Variants in RB1 observed in about 807,000 individuals in gnomAD.
RB1 encodes retinoblastoma-associated protein.
A neutral mutation model predicts 135.4 loss-of-function variants in RB1; 18 were observed. The observed-to-expected ratio is 0.13, with a 90% CI of 0.09 to 0.20. The LOEUF (loss-of-function observed/expected upper bound fraction) is 0.20. Ranked by LOEUF, RB1 falls within the 10% of genes least tolerant of loss-of-function variation. RB1 has a pLI of 1.00. For synonymous variants in RB1, 365 were observed against 373.2 expected (o/e 0.98, Z 0.25); for missense variants, 868 against 1,110.0 (o/e 0.78, Z 3.10).
At chr13:48,407,576 G>A (rs1948751526) in intron 17 of RB1, among the ~76,000 whole-genome samples, 1 of 152,280 alleles carries the variant, frequency 6.6e-6, no homozygotes, top group Non-Finnish European at 1.5e-5. Flanking sequence ...TTATGTACAT[G>A]CTGATCTCTG....
At chr13:48,402,277 C>T (rs1416373467) in intron 17 of RB1, among the ~76,000 whole-genome samples, 5 of 151,436 alleles carry the variant, frequency 3.3e-5, no homozygotes, top group Admixed American at 6.6e-5. Flanking sequence ...CATATTTTAA[C>T]GGGGTCTTCT....
At chr13:48,347,922 C>G (rs1952512789) in intron 5 of RB1, 59 bp downstream of exon 5, 2 of 1,281,414 alleles carry the variant, frequency 1.6e-6, no homozygotes, top group East Asian at 4.7e-5. Context: ...ATGGAATAAT[C>G]TCAAACATCT....
In RB1 at chr13:48,381,287, T is replaced by C. The variant is rs757978250; in HGVS notation, c.1539T>C (p.Ser513=). Reference sequence around the variant, plus strand: ...ATCTTGATTCTGGAACAGATTTGTCTTTCCCATGGATTCTGAATGTGCTTA... The same window carrying C: ...ATCTTGATTCTGGAACAGATTTGTCCTTCCCATGGATTCTGAATGTGCTTA... ...SQNLDSGTDL[S]FPWILNVLNL... The change falls in exon 17 of 27, where the codon TCT becomes TCC. Residue 513 remains serine, a synonymous_variant. Transcript: ENST00000267163. 1.9e-6 allele frequency: 3 copies of C among 1,612,118 alleles called. No individual in the cohort carries two copies. The highest frequency in any genetic ancestry group is 2.5e-6 in the Non-Finnish European group (3 of 1,179,352).
chr13:48,360,819 T>C (rs1040364222), intron 7 of RB1: 1 of 152,094 alleles, frequency 6.6e-6, no homozygotes, highest in East Asian at 1.9e-4. Flanking sequence ...TATATTATTA[T>C]ATACAGAAAA....
intron 23 of RB1, among the ~76,000 whole-genome samples, chr13:48,465,729 G>A (rs918903997): frequency 1.9e-4 from 29 of 151,422 alleles, no homozygotes; most frequent in Non-Finnish European, 4.0e-4. Context: ...AGCAGGGCGA[G>A]GCATTGCCTC....
intron 2 of RB1, chr13:48,340,772 A>G (rs1952436420): frequency 6.2e-6 from 1 of 160,756 alleles, no homozygotes; most frequent in Non-Finnish European, 1.4e-5. Context: ...AATTGACCAT[A>G]TTAACATAAA....
rs1952720112 is a variant in RB1, at chr13:48,367,948, T to A, written c.1049+345T>A. Among the ~76,000 whole-genome samples the A allele has an allele frequency of 2.0e-5, 3 of 152,182 alleles. No individual in the cohort carries two copies. In the South Asian group the frequency reaches 6.2e-4, roughly 31 times the overall value. ...TTTCATATACTATTGCCTGCCTGGT[T>A]TATTTAAAAAAGTTTATACAAAAGT... On this transcript the variant is annotated intron_variant, in intron 10 of 26. Transcript: ENST00000267163.
chr13:48,329,205 T>A (rs182943738), intron 2 of RB1, among the ~76,000 whole-genome samples: 267 of 152,310 alleles, frequency 1.8e-3, no homozygotes, highest in African/African-American at 6.2e-3. Flanking sequence ...ATTTACCTCA[T>A]TTATATGCAT....
Position 48,319,451 on chromosome 13 carries a change from C to T in RB1, c.264+12045C>T. On this transcript the variant is annotated intron_variant, in intron 2 of 26. Coordinates refer to ENST00000267163, the MANE Select transcript of RB1 (RefSeq NM_000321.3). This position sits in a 1 kb window ranked among gnomAD's most constrained non-coding sequence, Gnocchi z 5.0. ...GCGCCGCACTTGTGACTTGCTTTCC[C>T]CTTCTCAGGGCGCCAGCGCTCCTCT... 2 of 345,438 alleles carry T rather than the reference C, an allele frequency of 5.8e-6. No individual in the cohort carries two copies. 21.4% of individuals were successfully genotyped at this position (345,438 alleles called of 1,614,324 possible).
At position 48,303,846 on chromosome 13, in the gene RB1, C is replaced by A; in HGVS notation, c.-67C>A. The A allele has an allele frequency of 6.7e-7, 1 of 1,494,718 alleles. No homozygotes were observed. The highest frequency in any genetic ancestry group is 8.9e-7 in the Non-Finnish European group (1 of 1,129,290). The allele number at this position is 1,494,718 out of a possible 1,614,324, so 92.6% of individuals were successfully genotyped here. On this transcript the variant is annotated 5_prime_UTR_variant, in exon 1 of 27. Coordinates refer to ENST00000267163, the MANE Select transcript of RB1 (RefSeq NM_000321.3). ...CGGGAGAGGACGGGGCGTGCCCCGA[C>A]GTGCGCGCGCGTCGTCCTCCCCGGC... is the stretch of plus-strand genomic sequence containing the variant.
In RB1 at chr13:48,462,324, C is replaced by T. The variant is rs117540897; in HGVS notation, c.2107-1407C>T. On this transcript the variant is annotated intron_variant, in intron 20 of 26. Coordinates refer to ENST00000267163, the MANE Select transcript of RB1 (RefSeq NM_000321.3). Reference sequence around the variant, plus strand: ...TTTTTTTGTACAGATAGGGTTTTGCCGTGTTGCTCAGGCTGGTCTTGAATG... The same window carrying T: ...TTTTTTTGTACAGATAGGGTTTTGCTGTGTTGCTCAGGCTGGTCTTGAATG... Among the ~76,000 whole-genome samples, 1,267 of 149,450 alleles carry T rather than the reference C, an allele frequency of 8.5e-3. 5 individuals are homozygous for T. The highest frequency in any genetic ancestry group is 0.014 in the Non-Finnish European group (960 of 67,542).
rs1566194312 is a variant in RB1, at chr13:48,367,494, G to A, written c.940G>A (p.Val314Ile). ...TTGTCAGTGACTTTTTTCTTTCAAG[G>A]TTGAAAATCTTTCTAAACGATACGA... Reference protein sequence around the residue: ...GLVTSNGLPEVENLSKRYEEI... With the variant: ...GLVTSNGLPEIENLSKRYEEI... Residue 314 changes from valine to isoleucine, a missense_variant and splice_region_variant, in exon 10 of 27, where the codon GTT (valine) becomes ATT (isoleucine). By Grantham distance (29) the Val-to-Ile change is conservative. Coordinates refer to ENST00000267163, the MANE Select transcript of RB1 (RefSeq NM_000321.3). The A allele has an allele frequency of 6.2e-7, 1 of 1,601,760 alleles. No homozygotes were observed. The highest frequency in any genetic ancestry group is 1.3e-5 in the African/African-American group (1 of 74,640).
chr13:48,311,355 G>T (rs1042181812), intron 2 of RB1, among the ~76,000 whole-genome samples: 1 of 152,140 alleles, frequency 6.6e-6, no homozygotes, highest in African/African-American at 2.4e-5. Flanking sequence ...TTAACAATGG[G>T]AACACATCTG....
intron 2 of RB1, chr13:48,318,928 G>C: frequency 3.5e-6 from 4 of 1,133,184 alleles, no homozygotes; most frequent in Non-Finnish European, 5.3e-6. Flanking sequence ...CGCCGTCAGA[G>C]CGGGAAGGCA....
At chr13:48,328,801 T>C (rs1227500499) in intron 2 of RB1, among the ~76,000 whole-genome samples, 4 of 152,302 alleles carry the variant, frequency 2.6e-5, no homozygotes, top group Middle Eastern at 3.4e-3. Flanking sequence ...AGTGTGGAGA[T>C]TATTATAGGC....
At chr13:48,351,367 GC>G (rs1156976474) in intron 6 of RB1, among the ~76,000 whole-genome samples, 1 of 151,854 alleles carries the variant, frequency 6.6e-6, no homozygotes, top group Non-Finnish European at 1.5e-5. Context: ...ATGCTTATTG[GC>G]TGCATGTATG....
chr13:48,441,750 T>TTA (rs750333772), intron 17 of RB1, among the ~76,000 whole-genome samples: 12 of 152,236 alleles, frequency 7.9e-5, no homozygotes, highest in Non-Finnish European at 1.8e-4. Flanking sequence ...TATCATAGAA[T>TTA]TATATATATG....
chr13:48,478,044 A>G (rs942579290), intron 26 of RB1, among the ~76,000 whole-genome samples: 5 of 152,304 alleles, frequency 3.3e-5, no homozygotes, highest in African/African-American at 1.2e-4. Context: ...ACTAACTACT[A>G]TTGGGTTGTC....
intron 17 of RB1, among the ~76,000 whole-genome samples, chr13:48,433,670 T>TAACA (rs1949153358): frequency 8.4e-6 from 1 of 118,898 alleles, no homozygotes; most frequent in African/African-American, 2.9e-5. Context: ...GTTTTACTGT[T>TAACA]AACAAAAATG....
Sources: allele counts gnomAD v4.1 joint callset (sites outside exome capture counted in the v4.1 genomes callset), GRCh38; gene constraint gnomAD v4.1.1; non-coding constraint Gnocchi (gnomAD v3.1); transcripts MANE v1.5; gene names NCBI Gene and HGNC (gene_info 2026-07-23, HGNC 2026-07-21).